The following VPS37A variants were observed in gnomAD, a reference collection of about 807,000 sequenced individuals.
VPS37A encodes the protein vacuolar protein sorting-associated protein 37A.
VPS37A carries 30 observed loss-of-function variants against 49.8 expected under a neutral mutation model. The observed-to-expected ratio is 0.60, with a 90% CI of 0.45 to 0.82. VPS37A has a LOEUF of 0.82. Ranked by LOEUF, VPS37A falls within the 40% of genes least tolerant of loss-of-function variation. VPS37A has a pLI of 0.00. For synonymous variants in VPS37A, 195 were observed against 160.6 expected, an observed-to-expected ratio of 1.21 and a Z score of -1.62; for missense variants, 593 against 464.4, an observed-to-expected ratio of 1.28 and a Z score of -2.55.
chr8:17,277,281 A>G (rs73208571), intron 6 of VPS37A, among the ~76,000 whole-genome samples: 4 of 152,326 alleles, frequency 2.6e-5, no homozygotes, highest in Non-Finnish European at 4.4e-5. Context: ...TATTTACAAT[A>G]TACTGCATAC....
intron 1 of VPS37A, among the ~76,000 whole-genome samples, chr8:17,249,506 G>A (rs1381856080): frequency 6.6e-5 from 10 of 152,160 alleles, no homozygotes; most frequent in African/African-American, 2.4e-4. Context: ...TTATTGAGAT[G>A]TTTCGCATTT....
At chr8:17,286,227 C>A (rs1034092943) in intron 10 of VPS37A, 120 bp from the exon 11 acceptor site, 24 of 746,296 alleles carry the variant, frequency 3.2e-5, no homozygotes, top group Non-Finnish European at 5.0e-5. Flanking sequence ...TAGCTATCTT[C>A]AACATTCAAA....
chr8:17,264,271 G>T (rs529093735), intron 1 of VPS37A, among the ~76,000 whole-genome samples: 1 of 152,272 alleles, frequency 6.6e-6, no homozygotes, highest in East Asian at 1.9e-4. Context: ...TGAATTGGTG[G>T]ATGCTTTTGT....
downstream of VPS37A, among the ~76,000 whole-genome samples, chr8:17,303,411 T>G (rs1373152544): frequency 1.3e-5 from 2 of 152,146 alleles, no homozygotes; most frequent in Non-Finnish European, 2.9e-5. Flanking sequence ...ATCAAGTCTG[T>G]GTCGGGAGTG....
At chr8:17,248,115 C>G (rs752102772) in intron 1 of VPS37A, 12 of 361,306 alleles carry the variant, frequency 3.3e-5, no homozygotes, top group Middle Eastern at 9.4e-4. Flanking sequence ...TTGCTGCAGC[C>G]TTTTACATTG....
At position 17,297,359 on chromosome 8, in the gene VPS37A, T is replaced by TATCA. The variant is rs1304345816; in HGVS notation, c.*2374_*2377dup. ...GCATAAATTGAGACTAGGAAATTTA[T>TATCA]ATCAGAATAGAGGGTGCTTGACACA... On this transcript the variant is annotated 3_prime_UTR_variant, in exon 12 of 12. Coordinates refer to ENST00000324849, the MANE Select transcript of VPS37A (RefSeq NM_152415.3). The TATCA allele has an allele frequency of 6.6e-6, 1 of 152,132 alleles. No individual in the cohort carries two copies. The highest frequency in any genetic ancestry group is 2.4e-5 in the African/African-American group (1 of 41,458). The allele number at this position is 152,132 out of a possible 1,614,324, so 9.4% of individuals were successfully genotyped here.
At chr8:17,315,006 G>A in the VPS37A span, among the ~76,000 whole-genome samples, 8 of 149,196 alleles carry the variant, frequency 5.4e-5, no homozygotes, top group African/African-American at 1.8e-4. Context: ...ATGATTCACA[G>A]AATCTATGGC....
At chr8:17,327,534 C>T in the VPS37A span, among the ~76,000 whole-genome samples, 1 of 152,140 alleles carries the variant, frequency 6.6e-6, no homozygotes, top group African/African-American at 2.4e-5. Context: ...CTCAATGTCT[C>T]AGCCTCCCAA....
At chr8:17,309,245 A>C in the VPS37A span, 1 of 1,365,432 alleles carries the variant, frequency 7.3e-7, no homozygotes, top group Non-Finnish European at 1.0e-6. Context: ...CTTTTATTCT[A>C]AACATTCAAA....
Position 17,277,903 on chromosome 8 carries a change from G to C in VPS37A, c.713+1436G>C, listed in dbSNP as rs201921917. Among the ~76,000 whole-genome samples, 213 of 112,046 alleles carry C rather than the reference G, an allele frequency of 1.9e-3. 1 individual carries two copies. The highest frequency in any genetic ancestry group is 6.5e-4 in the Non-Finnish European group (34 of 52,402). 73.5% of individuals were successfully genotyped at this position (112,046 alleles called of 152,430 possible). ...ACACACACACACACACACACACACA[G>C]ACATATACATATGTGTATTTACATA... On this transcript the variant is annotated intron_variant, in intron 6 of 11. Transcript: ENST00000324849.
chr8:17,302,421 A>C (rs188573148), downstream of VPS37A: 1,341 of 863,570 alleles, frequency 1.6e-3, 10 homozygotes, highest in African/African-American at 0.018. Flanking sequence ...GCCACTACTT[A>C]AGGTAATAAT....
the VPS37A span, among the ~76,000 whole-genome samples, chr8:17,307,808 G>A: frequency 6.0e-5 from 9 of 151,124 alleles, no homozygotes; most frequent in African/African-American, 1.9e-4. Context: ...AACACCACAT[G>A]TTCTCACTCA....
intron 1 of VPS37A, among the ~76,000 whole-genome samples, chr8:17,250,270 A>G (rs1811850639): frequency 6.6e-6 from 1 of 152,172 alleles, no homozygotes; most frequent in Non-Finnish European, 1.5e-5. Flanking sequence ...ACCAAAGTGC[A>G]ATATTTTGGG....
intron 1 of VPS37A, chr8:17,248,496 G>A (rs780032922): frequency 5.0e-6 from 2 of 399,618 alleles, no homozygotes; most frequent in Non-Finnish European, 1.0e-5. Flanking sequence ...GGCTGGTCTC[G>A]AACTCCTGAC....
chr8:17,270,710 T>G (rs961409227), intron 4 of VPS37A, among the ~76,000 whole-genome samples: 1 of 152,258 alleles, frequency 6.6e-6, no homozygotes, highest in South Asian at 2.1e-4. Flanking sequence ...TTGTGGCCAT[T>G]TTGGAATATA....
chr8:17,298,575 G>T (rs920472100), downstream of VPS37A: 1 of 152,136 alleles, frequency 6.6e-6, no homozygotes, highest in Non-Finnish European at 1.5e-5. Flanking sequence ...AAATATTGAT[G>T]TAAATTGTAA....
chr8:17,271,094 G>A (rs947085746), intron 4 of VPS37A, among the ~76,000 whole-genome samples: 5 of 152,088 alleles, frequency 3.3e-5, no homozygotes. Context: ...TTTTTATTAA[G>A]ACTTAGTTAA....
intron 11 of VPS37A, among the ~76,000 whole-genome samples, chr8:17,288,914 A>G (rs531102092): frequency 2.6e-5 from 4 of 152,318 alleles, no homozygotes; most frequent in Non-Finnish European, 4.4e-5. Flanking sequence ...TTGCCATTCT[A>G]ACTGGTGTGA....
At chr8:17,273,011 ATTTTGCCCTTCCTTT>A (rs1409774707) in intron 4 of VPS37A, among the ~76,000 whole-genome samples, 1 of 63,222 alleles carries the variant, frequency 1.6e-5, no homozygotes, top group East Asian at 3.8e-4. Flanking sequence ...ATGGTAGCAT[ATTTTGCCCTTCCTTT>A]TTTTTTTTTT....
Sources: allele counts gnomAD v4.1 joint callset (sites outside exome capture counted in the v4.1 genomes callset), GRCh38; gene constraint gnomAD v4.1.1; transcripts MANE v1.5; gene names NCBI Gene and HGNC (gene_info 2026-07-23, HGNC 2026-07-21).